The following GALNTL6 variants were observed in gnomAD, a reference collection of about 807,000 sequenced individuals.
GALNTL6 encodes polypeptide N-acetylgalactosaminyltransferase-like 6.
Under a neutral mutation model 73.7 loss-of-function variants are expected in GALNTL6, and 46 were observed. That is an observed-to-expected ratio of 0.62 (90% CI 0.49 to 0.80). The LOEUF (loss-of-function observed/expected upper bound fraction) is 0.80. Among genes scored for constraint, GALNTL6 ranks in the 30% least tolerant of loss-of-function variants. GALNTL6 has a pLI of 0.00. For missense variants in GALNTL6, 604 were observed against 755.0 expected, an observed-to-expected ratio of 0.80 and a Z score of 2.34; for synonymous variants, 259 against 263.7, an observed-to-expected ratio of 0.98 and a Z score of 0.17.
At chr4:172,252,003 T>C (rs1227344501) in intron 3 of GALNTL6, among the ~76,000 whole-genome samples, 1 of 152,018 alleles carries the variant, frequency 6.6e-6, no homozygotes, top group Non-Finnish European at 1.5e-5. Flanking sequence ...CAAATTAGTG[T>C]ACAGGAAGAT....
chr4:172,046,456 C>T (rs1012247284), intron 2 of GALNTL6, among the ~76,000 whole-genome samples: 1 of 152,044 alleles, frequency 6.6e-6, no homozygotes, highest in Non-Finnish European at 1.5e-5. Flanking sequence ...TATAGTTTCC[C>T]GTGAGATCTG....
intron 5 of GALNTL6, among the ~76,000 whole-genome samples, chr4:172,390,268 A>G (rs1209664998): frequency 1.3e-5 from 2 of 152,176 alleles, no homozygotes; most frequent in East Asian, 1.9e-4. Context: ...CTCTTGGGTT[A>G]CCATGGATTG....
intron 2 of GALNTL6, among the ~76,000 whole-genome samples, chr4:172,227,075 T>A (rs991686750): frequency 6.6e-6 from 1 of 152,150 alleles, no homozygotes; most frequent in African/African-American, 2.4e-5. Flanking sequence ...TGCTGCCTAT[T>A]CATACTCATG....
intron 10 of GALNTL6, among the ~76,000 whole-genome samples, chr4:173,001,211 C>A (rs1360976970): frequency 4.6e-5 from 7 of 152,162 alleles, no homozygotes; most frequent in Admixed American, 4.6e-4. Context: ...CTGCAAACAC[C>A]TTGATCTTGG....
rs569033872 is a variant in GALNTL6 at position 172,624,148 on chromosome 4, A to C, written c.554-185213A>C. The stretch of plus-strand genomic sequence containing the variant: ...GATCAGCACACTTTTTCTTACAAGA[A>C]CATAAACTCTTCTAGCTTAAGCAAA... On this transcript the variant is annotated intron_variant, in intron 5 of 12. Coordinates refer to ENST00000506823, the MANE Select transcript of GALNTL6 (RefSeq NM_001034845.3). Among the ~76,000 whole-genome samples, 10 of 152,242 alleles carry C rather than the reference A, an allele frequency of 6.6e-5. No individual in the cohort carries two copies. The South Asian group carries it at 2.1e-3, about 32-fold the overall frequency.
intron 2 of GALNTL6, among the ~76,000 whole-genome samples, chr4:172,206,971 C>G (rs968583824): frequency 6.6e-6 from 1 of 151,366 alleles, no homozygotes; most frequent in Non-Finnish European, 1.5e-5. Context: ...GCACCCACCA[C>G]CACGCCCGGC....
intron 2 of GALNTL6, among the ~76,000 whole-genome samples, chr4:171,962,318 G>A (rs1188023516): frequency 6.6e-6 from 1 of 152,154 alleles, no homozygotes; most frequent in Non-Finnish European, 1.5e-5. Flanking sequence ...TTCCCAGGAG[G>A]TTAGGCATTC....
intron 2 of GALNTL6, among the ~76,000 whole-genome samples, chr4:172,141,733 A>G (rs1733802043): frequency 6.6e-6 from 1 of 152,012 alleles, no homozygotes; most frequent in Non-Finnish European, 1.5e-5. Flanking sequence ...TTAAAAATGA[A>G]AAAGATGACA....
chr4:172,685,508 T>C lies in GALNTL6; in HGVS notation c.554-123853T>C, dbSNP rs79322754. Among the ~76,000 whole-genome samples, 459 of 152,314 alleles carry C rather than the reference T, an allele frequency of 3.0e-3. 1 individual carries two copies. Among genetic ancestry groups the C allele is most frequent in the African/African-American group, 0.01 (428 of 41,568 alleles). On this transcript the variant is annotated intron_variant, in intron 5 of 12. Coordinates refer to ENST00000506823, the MANE Select transcript of GALNTL6 (RefSeq NM_001034845.3). The stretch of plus-strand genomic sequence containing the variant: ...GGCACATTAAAGAACCGAGCAAGAA[T>C]TGATTACCAGTGTGACCAGAGGATA...
intron 2 of GALNTL6, among the ~76,000 whole-genome samples, chr4:171,944,301 G>T (rs1361226134): frequency 6.6e-6 from 1 of 151,960 alleles, no homozygotes; most frequent in Non-Finnish European, 1.5e-5. Flanking sequence ...TGGAATAGAA[G>T]AAGTTTATTC....
intron 2 of GALNTL6, among the ~76,000 whole-genome samples, chr4:171,917,132 G>A (rs1239284815): frequency 6.6e-6 from 1 of 152,028 alleles, no homozygotes; most frequent in Non-Finnish European, 1.5e-5. Flanking sequence ...TAGAACCATA[G>A]AAGTAATTTC....
intron 7 of GALNTL6, among the ~76,000 whole-genome samples, chr4:172,847,402 A>G (rs1743571503): frequency 6.6e-6 from 1 of 152,166 alleles, no homozygotes; most frequent in African/African-American, 2.4e-5. Context: ...GACAAAGTTA[A>G]GACACGTGCA....
intron 5 of GALNTL6, among the ~76,000 whole-genome samples, chr4:172,498,317 A>G (rs1734141577): frequency 6.6e-6 from 1 of 152,058 alleles, no homozygotes; most frequent in African/African-American, 2.4e-5. Flanking sequence ...GGTTTTAGTA[A>G]TATCTATATT....
chr4:172,917,233 A>G (rs906691289), intron 8 of GALNTL6, among the ~76,000 whole-genome samples: 1 of 152,216 alleles, frequency 6.6e-6, no homozygotes, highest in Non-Finnish European at 1.5e-5. Context: ...CTTACACCTT[A>G]TACAAATATT....
chr4:172,107,339 A>G (rs1298480301), intron 2 of GALNTL6, among the ~76,000 whole-genome samples: 4 of 152,184 alleles, frequency 2.6e-5, no homozygotes, highest in Non-Finnish European at 5.9e-5. Context: ...TTATTCCTCC[A>G]GTTCCTGTGA....
At chr4:172,929,689 C>CA (rs1453493481) in intron 8 of GALNTL6, among the ~76,000 whole-genome samples, 1 of 151,978 alleles carries the variant, frequency 6.6e-6, no homozygotes, top group African/African-American at 2.4e-5. Flanking sequence ...TAATGGAATG[C>CA]AAAAAACACC....
Position 172,882,882 on chromosome 4 carries a change from G to C in GALNTL6, c.1016G>C (p.Gly339Ala). The C allele has an allele frequency of 1.2e-6, 2 of 1,601,788 alleles. No individual in the cohort carries two copies. Among genetic ancestry groups the C allele is most frequent in the East Asian group, 2.2e-5 (1 of 44,796 alleles). The change falls in exon 8 of 13, where the codon GGA becomes GCA. Residue 339 changes from glycine (G) to alanine (A), a missense_variant. Physicochemically the swap from Gly to Ala is moderately conservative, Grantham distance 60. Coordinates refer to ENST00000506823, the MANE Select transcript of GALNTL6 (RefSeq NM_001034845.3). ...GYDPGLEIWG[G>A]EQYEISFKVW... ...GATCCAGGTTTAGAAATCTGGGGAG[G>C]AGAACAGTATGAAATCTCTTTTAAG...
At chr4:172,640,249 C>G (rs1739910064) in intron 5 of GALNTL6, among the ~76,000 whole-genome samples, 1 of 152,104 alleles carries the variant, frequency 6.6e-6, no homozygotes, top group Non-Finnish European at 1.5e-5. Flanking sequence ...CATTCCCTCC[C>G]ACGTGTCACA....
At chr4:172,730,031 T>C (rs929679594) in intron 5 of GALNTL6, among the ~76,000 whole-genome samples, 2 of 152,178 alleles carry the variant, frequency 1.3e-5, no homozygotes, top group African/African-American at 4.8e-5. Context: ...CTTTTTCAGA[T>C]TGTTTGCTGT....
Sources: gnomAD v4.1 joint callset for allele counts (sites outside exome capture counted in the v4.1 genomes callset) on GRCh38, gnomAD v4.1.1 for gene constraint, MANE v1.5 for transcripts, NCBI Gene and HGNC (gene_info 2026-07-23, HGNC 2026-07-21) for gene names.